PEPD: variants seen among roughly 807,000 people sequenced by gnomAD.
PEPD encodes peptidase D.
PEPD carries 53 observed loss-of-function variants against 60.7 expected under a neutral mutation model. That is an observed-to-expected ratio of 0.87 (90% CI 0.70 to 1.10). The LOEUF (loss-of-function observed/expected upper bound fraction) is 1.10. Ranked by LOEUF, PEPD falls within the 50% of genes least tolerant of loss-of-function variation. The pLI is 0.00. For missense variants in PEPD, 711 were observed against 711.9 expected (o/e 1.00, Z 0.01); for synonymous variants, 267 against 284.1 (o/e 0.94, Z 0.60).
At chr19:33,498,114 G>C (rs1180894862) in intron 4 of PEPD, among the ~76,000 whole-genome samples, 1 of 152,036 alleles carries the variant, frequency 6.6e-6, no homozygotes, top group South Asian at 2.1e-4. Context: ...AGTGTTACTG[G>C]AGCCCACGTG....
chr19:33,512,535 C>T, intron 2 of PEPD, 58 bp downstream of exon 2: 2 of 1,555,900 alleles, frequency 1.3e-6, no homozygotes, highest in South Asian at 2.2e-5. Flanking sequence ...CCAACTCCTG[C>T]TCAGGACAGC....
rs1168866342 is a variant in PEPD at position 33,507,866 on chromosome 19, G to A, written c.329+3162C>T. 2.0e-5 allele frequency among the ~76,000 whole-genome samples: 3 copies of A among 152,148 alleles called. No individual in the cohort carries two copies. The East Asian group carries it at 5.8e-4, about 29-fold the overall frequency. Reference sequence around the variant, plus strand: ...GGAGACTCAGACAGGGTCACTCCAGGACAGTGGAACGGAGAGGCCTGCTCG... The same window carrying A: ...GGAGACTCAGACAGGGTCACTCCAGAACAGTGGAACGGAGAGGCCTGCTCG... On this transcript the variant is annotated intron_variant, in intron 3 of 14. Transcript: ENST00000244137.
At chr19:33,480,840 G>A (rs60497719) in intron 6 of PEPD, among the ~76,000 whole-genome samples, 31,779 of 150,880 alleles carry the variant, frequency 0.21, 3,975 homozygotes, top group African/African-American at 0.34. Flanking sequence ...GTGTGTGTGT[G>A]TATATCAAAA....
chr19:33,489,906 C>A, intron 6 of PEPD, 90 bp downstream of exon 6: 1 of 792,522 alleles, frequency 1.3e-6, no homozygotes, highest in South Asian at 1.5e-5. Flanking sequence ...TTGCATAGTT[C>A]ATGTCTTATT....
chr19:33,460,974 C>T lies in PEPD; in HGVS notation c.671+2021G>A, dbSNP rs1001967764. 2.0e-5 allele frequency among the ~76,000 whole-genome samples: 3 copies of T among 152,190 alleles called. No individual in the cohort carries two copies. The East Asian group carries it at 5.8e-4, about 29-fold the overall frequency. On this transcript the variant is annotated intron_variant, in intron 9 of 14. Coordinates refer to ENST00000244137, the MANE Select transcript of PEPD (RefSeq NM_000285.4). ...CACGACACCCTGCTTCCAACAGCAG[C>T]CAAGTACAACATGTGGACTCTGTGT...
chr19:33,427,535 A>T (rs1368696976), intron 9 of PEPD, among the ~76,000 whole-genome samples: 1 of 152,208 alleles, frequency 6.6e-6, no homozygotes, highest in Non-Finnish European at 1.5e-5. Context: ...AGTTCCAAAA[A>T]ATCCTCCAAT....
chr19:33,496,781 C>T (rs994138465), intron 4 of PEPD, among the ~76,000 whole-genome samples: 1 of 152,226 alleles, frequency 6.6e-6, no homozygotes, highest in Non-Finnish European at 1.5e-5. Flanking sequence ...TGGATGGTCA[C>T]GGGCAGAATT....
At chr19:33,444,057 A>C (rs1244926478) in intron 9 of PEPD, among the ~76,000 whole-genome samples, 1 of 152,154 alleles carries the variant, frequency 6.6e-6, no homozygotes, top group Non-Finnish European at 1.5e-5. Flanking sequence ...ACACGCACTT[A>C]CGTTCGTACA....
chr19:33,406,358 G>A (rs1014162977), intron 11 of PEPD, among the ~76,000 whole-genome samples: 52 of 152,358 alleles, frequency 3.4e-4, no homozygotes, highest in African/African-American at 1.2e-3. Flanking sequence ...AACCAGGCCT[G>A]TCCATGTGTA....
At chr19:33,416,965 C>T (rs552170503) in intron 9 of PEPD, among the ~76,000 whole-genome samples, 57 of 152,174 alleles carry the variant, frequency 3.7e-4, no homozygotes, top group Non-Finnish European at 6.5e-4. Flanking sequence ...TCCCCAGAGA[C>T]GGCGTCGCTG....
intron 9 of PEPD, among the ~76,000 whole-genome samples, chr19:33,431,065 G>C (rs961829439): frequency 2.0e-5 from 3 of 151,710 alleles, no homozygotes; most frequent in African/African-American, 7.3e-5. Flanking sequence ...AGCTATGATC[G>C]CACCACTGCA....
intron 12 of PEPD, among the ~76,000 whole-genome samples, chr19:33,400,747 A>G (rs1019762427): frequency 7.2e-5 from 11 of 152,178 alleles, no homozygotes; most frequent in Non-Finnish European, 1.3e-4. Context: ...ACATCCCTCA[A>G]TTCTCTCCTC....
At chr19:33,511,988 G>A (rs912647450) in intron 2 of PEPD, among the ~76,000 whole-genome samples, 2 of 152,078 alleles carry the variant, frequency 1.3e-5, no homozygotes, top group Non-Finnish European at 1.5e-5. Flanking sequence ...GGGAAGCCAC[G>A]CCTTCCCATA....
chr19:33,439,810 C>T (rs189580200), intron 9 of PEPD, among the ~76,000 whole-genome samples: 1 of 152,166 alleles, frequency 6.6e-6, no homozygotes, highest in Non-Finnish European at 1.5e-5. Flanking sequence ...GGTGCTGCCA[C>T]CCTTAAGGCT....
intron 12 of PEPD, among the ~76,000 whole-genome samples, chr19:33,396,347 C>A (rs1968360478): frequency 6.6e-6 from 1 of 152,050 alleles, no homozygotes; most frequent in Non-Finnish European, 1.5e-5. Context: ...CCACAGGAGA[C>A]ACATGCCAGG....
chr19:33,479,785 T>C (rs1033925898), intron 6 of PEPD, among the ~76,000 whole-genome samples: 2 of 152,234 alleles, frequency 1.3e-5, no homozygotes, highest in Non-Finnish European at 2.9e-5. Context: ...TATTCCATGG[T>C]GCATACCATA....
At chr19:33,454,100 T>C (rs1010351392) in intron 9 of PEPD, among the ~76,000 whole-genome samples, 3 of 151,972 alleles carry the variant, frequency 2.0e-5, no homozygotes, top group African/African-American at 4.8e-5. Context: ...AACTCTGAGG[T>C]TGGAGCAGGG....
chr19:33,502,955 G>T (rs972521259), intron 3 of PEPD, among the ~76,000 whole-genome samples: 2 of 143,470 alleles, frequency 1.4e-5, no homozygotes, highest in African/African-American at 5.1e-5. Flanking sequence ...TGGGGGGCGG[G>T]GGGGGGTGTT....
chr19:33,424,423 A>AT (rs1392183065), intron 9 of PEPD, among the ~76,000 whole-genome samples: 1 of 152,222 alleles, frequency 6.6e-6, no homozygotes, highest in East Asian at 1.9e-4. Context: ...CACAAGCACC[A>AT]TTGGCCAACT....
Sources: gnomAD v4.1 joint callset for allele counts (sites outside exome capture counted in the v4.1 genomes callset) on GRCh38, gnomAD v4.1.1 for gene constraint, MANE v1.5 for transcripts, NCBI Gene and HGNC (gene_info 2026-07-23, HGNC 2026-07-21) for gene names.